Variants in PPP1CB observed in about 807,000 individuals in gnomAD.
PPP1CB encodes protein phosphatase 1 catalytic subunit beta, also known as serine/threonine-protein phosphatase PP1-beta catalytic subunit.
PPP1CB carries 2 observed loss-of-function variants against 43.7 expected under a neutral mutation model. The ratio of observed to expected loss-of-function variants is 0.05; its 90% CI spans 0.02 to 0.14. The LOEUF (loss-of-function observed/expected upper bound fraction) is 0.14, where lower values mean the gene tolerates loss of function less well. PPP1CB is among the 10% of genes least tolerant of loss of function. The pLI, the probability that PPP1CB is intolerant of heterozygous loss-of-function variation, is 1.00. For missense variants in PPP1CB, 84 were observed against 398.0 expected (o/e 0.21, Z 6.71); for synonymous variants, 136 against 135.6 (o/e 1.00, Z -0.02).
chr2:28,752,306 G>C (rs1666323552), intron 1 of PPP1CB, 130 bp downstream of exon 1: 1 of 912,530 alleles, frequency 1.1e-6, no homozygotes, highest in Non-Finnish European at 1.6e-6. Flanking sequence ...AGCGCGGCGC[G>C]GCGGACGAAC....
At chr2:28,775,806 T>TAAGGAACTC (rs1667025931) in intron 1 of PPP1CB, among the ~76,000 whole-genome samples, 1 of 152,236 alleles carries the variant, frequency 6.6e-6, no homozygotes, top group South Asian at 2.1e-4. Context: ...GTGGGGCAAA[T>TAAGGAACTC]AAGGAACTCT....
At chr2:28,769,920 T>A (rs1185324371) in intron 1 of PPP1CB, among the ~76,000 whole-genome samples, 2 of 152,146 alleles carry the variant, frequency 1.3e-5, no homozygotes, top group African/African-American at 4.8e-5. Flanking sequence ...ACAGAACAGA[T>A]GACAGAATGG....
rs1024151638 is a variant in PPP1CB, at chr2:28,800,563, C to T, written c.*1260C>T. On this transcript the variant is annotated 3_prime_UTR_variant, in exon 8 of 8. Transcript: ENST00000395366. ...AGTAGCAATAATTTCTGTACCTGAT[C>T]AAGTTTATTGCAGCCTTTCTTTTCC... 6 of 152,460 alleles carry T rather than the reference C, an allele frequency of 3.9e-5. No homozygotes were observed. The South Asian group carries it at 1.2e-3, about 32-fold the overall frequency. 9.4% of individuals were successfully genotyped at this position (152,460 alleles called of 1,614,324 possible). A position where few individuals can be genotyped will look rare whatever the true frequency, so the allele number is the denominator to read the frequency against.
At position 28,790,485 on chromosome 2, in the gene PPP1CB, G is replaced by A. The variant is rs1318577930; in HGVS notation, c.744+1676G>A. Among the ~76,000 whole-genome samples the A allele has an allele frequency of 5.3e-5, 8 of 151,920 alleles. No individual in the cohort carries two copies. The East Asian group carries it at 5.8e-4, about 11-fold the overall frequency. On this transcript the variant is annotated intron_variant, in intron 6 of 7. Transcript: ENST00000395366. ...CTCCCGAGTAGCTGGGACTACAGGCGCCTGCCACCACGCCTGGCTAATTTT... is the reference window on the plus strand; with the variant it reads ...CTCCCGAGTAGCTGGGACTACAGGCACCTGCCACCACGCCTGGCTAATTTT...
chr2:28,761,189 C>G lies in PPP1CB; in HGVS notation c.52+9013C>G, dbSNP rs75718721. 4.8e-4 allele frequency among the ~76,000 whole-genome samples: 73 copies of G among 152,214 alleles called. 1 individual carries two copies. The South Asian group carries it at 0.014, about 28-fold the overall frequency. ...ACTGGGGTGAGCCACCGCGCCCGGC[C>G]GAGACCAGACTTCTGAGGGGGAGAA... On this transcript the variant is annotated intron_variant, in intron 1 of 7. Transcript: ENST00000395366.
At chr2:28,764,243 G>A (rs962445997) in intron 1 of PPP1CB, among the ~76,000 whole-genome samples, 16 of 151,756 alleles carry the variant, frequency 1.1e-4, no homozygotes, top group African/African-American at 2.9e-4. Context: ...GGCGGATCAC[G>A]AGGTCAGGAG....
chr2:28,797,631 A>T (rs1183577754), intron 7 of PPP1CB, among the ~76,000 whole-genome samples: 2 of 152,086 alleles, frequency 1.3e-5, no homozygotes, highest in African/African-American at 4.8e-5. Flanking sequence ...TTGTGTGCAC[A>T]GGTGTTTATA....
At chr2:28,778,310 C>T (rs1427961288) in intron 2 of PPP1CB, 1 of 467,674 alleles carries the variant, frequency 2.1e-6, no homozygotes, top group Admixed American at 2.4e-5. Context: ...TTGTGGCTTA[C>T]AGCAACATTA....
chr2:28,761,543 T>G (rs1666650215), intron 1 of PPP1CB, among the ~76,000 whole-genome samples: 1 of 152,224 alleles, frequency 6.6e-6, no homozygotes, highest in African/African-American at 2.4e-5. Context: ...AAACCTGAGC[T>G]AGGAAATACT....
intron 1 of PPP1CB, among the ~76,000 whole-genome samples, chr2:28,773,831 T>G (rs1194391357): frequency 6.6e-6 from 1 of 152,226 alleles, no homozygotes; most frequent in Non-Finnish European, 1.5e-5. Context: ...GGGAAAACCT[T>G]TAGCTTCTCT....
chr2:28,760,739 TGTC>T (rs1421237902), intron 1 of PPP1CB, among the ~76,000 whole-genome samples: 2 of 152,228 alleles, frequency 1.3e-5, no homozygotes, highest in African/African-American at 4.8e-5. Context: ...CTTTCACTAA[TGTC>T]ATATCTAGCA....
chr2:28,760,007 C>A (rs1176742786), intron 1 of PPP1CB, among the ~76,000 whole-genome samples: 1 of 152,114 alleles, frequency 6.6e-6, no homozygotes. Context: ...GCTTCGTTAT[C>A]CTGGGAGGTG....
At chr2:28,765,581 A>T (rs1666762409) in intron 1 of PPP1CB, among the ~76,000 whole-genome samples, 1 of 152,246 alleles carries the variant, frequency 6.6e-6, no homozygotes, top group South Asian at 2.1e-4. Context: ...TGTGGGAATG[A>T]AGATCTCACT....
chr2:28,765,109 G>A (rs1284423046), intron 1 of PPP1CB, among the ~76,000 whole-genome samples: 1 of 152,120 alleles, frequency 6.6e-6, no homozygotes, highest in East Asian at 1.9e-4. Context: ...CCTTGGATAT[G>A]TGCGTTGGAA....
Position 28,799,476 on chromosome 2 carries a change from A to G in PPP1CB, c.*173A>G. The G allele has an allele frequency of 3.8e-6, 2 of 527,232 alleles. No individual in the cohort carries two copies. Among genetic ancestry groups the G allele is most frequent in the South Asian group, 3.2e-5 (1 of 31,420 alleles). The allele number at this position is 527,232 out of a possible 1,614,324, so 32.7% of individuals were successfully genotyped here. ...TTTTTCTAATAGAAAGATGTGCTAC[A>G]CTGTATTGTAATAAGTATACTCTGT... On this transcript the variant is annotated 3_prime_UTR_variant, in exon 8 of 8. Transcript: ENST00000395366.
At chr2:28,784,989 C>G (rs6725177) in intron 5 of PPP1CB, among the ~76,000 whole-genome samples, 60,856 of 143,854 alleles carry the variant, frequency 0.42, 14,084 homozygotes, top group Non-Finnish European at 0.53. Context: ...ACACATCAAC[C>G]ATTATAAATG....
In PPP1CB at chr2:28,753,693, G is replaced by A. The variant is rs1234969738; in HGVS notation, c.52+1517G>A. 2.0e-5 allele frequency among the ~76,000 whole-genome samples: 3 copies of A among 151,868 alleles called. No homozygotes were observed. In the East Asian group the frequency reaches 5.8e-4, roughly 29 times the overall value. The stretch of plus-strand genomic sequence containing the variant: ...GTTAATTTAAAAATGTGTATGTCTT[G>A]TTTACATTTGGGAAGTAGAGGCCTA... On this transcript the variant is annotated intron_variant, in intron 1 of 7. Transcript: ENST00000395366.
At chr2:28,754,597 A>G (rs1267177720) in intron 1 of PPP1CB, among the ~76,000 whole-genome samples, 1 of 152,162 alleles carries the variant, frequency 6.6e-6, no homozygotes, top group East Asian at 1.9e-4. Context: ...CAGTGCCCCC[A>G]AGGGATTCTT....
At position 28,751,888 on chromosome 2, in the gene PPP1CB, T is replaced by G; in HGVS notation, c.-237T>G. ...GCGGCCTGGGTCTGACGCGGCCCTGTTCGAGGGGGCCTCTCTTGTTTATTT... is the reference window on the plus strand; with the variant it reads ...GCGGCCTGGGTCTGACGCGGCCCTGGTCGAGGGGGCCTCTCTTGTTTATTT... On this transcript the variant is annotated 5_prime_UTR_variant, in exon 1 of 8. Transcript: ENST00000395366. 14 of 537,452 alleles carry G rather than the reference T, an allele frequency of 2.6e-5. No individual in the cohort carries two copies. The highest frequency in any genetic ancestry group is 3.7e-5 in the East Asian group (1 of 27,174). 33.3% of individuals were successfully genotyped at this position (537,452 alleles called of 1,614,324 possible). A position where few individuals can be genotyped will look rare whatever the true frequency, so the allele number is the denominator to read the frequency against.
Sources: allele counts gnomAD v4.1 joint callset (sites outside exome capture counted in the v4.1 genomes callset), GRCh38; gene constraint gnomAD v4.1.1; transcripts MANE v1.5; gene names NCBI Gene and HGNC (gene_info 2026-07-23, HGNC 2026-07-21).